The following AXDND1 variants were observed in gnomAD, a reference collection of about 807,000 sequenced individuals.
AXDND1 encodes the protein axonemal dynein light chain domain-containing protein 1.
Under a neutral mutation model 137.5 loss-of-function variants are expected in AXDND1, and 110 were observed. The ratio of observed to expected loss-of-function variants is 0.80; its 90% CI spans 0.69 to 0.94. The LOEUF is 0.94. Ranked by LOEUF, AXDND1 falls within the 40% of genes least tolerant of loss-of-function variation. The pLI is 0.00. For missense variants in AXDND1, 1,191 were observed against 1,169.8 expected (o/e 1.02, Z -0.26); for synonymous variants, 414 against 399.7 (o/e 1.04, Z -0.43).
intron 16 of AXDND1, among the ~76,000 whole-genome samples, chr1:179,459,958 CTTCTTTCT>C (rs142428616): frequency 4.7e-5 from 6 of 127,700 alleles, no homozygotes; most frequent in South Asian, 4.9e-4. Context: ...TCTTTTCTTC[CTTCTTTCT>C]TTCTTTCTTT....
chr1:179,519,742 G>C (rs1259514162), intron 21 of AXDND1, among the ~76,000 whole-genome samples: 1 of 152,056 alleles, frequency 6.6e-6, no homozygotes, highest in African/African-American at 2.4e-5. Context: ...TGTTCCATTG[G>C]TGTATGTGTC....
chr1:179,429,029 T>C (rs1656996078), intron 12 of AXDND1, among the ~76,000 whole-genome samples: 2 of 151,982 alleles, frequency 1.3e-5, no homozygotes, highest in African/African-American at 4.8e-5. Flanking sequence ...TAAAAAACAT[T>C]AGCCAGGCAT....
At chr1:179,528,298 T>C (rs1294849610) in intron 22 of AXDND1, 29 bp from the exon 23 acceptor site, 1 of 1,548,844 alleles carries the variant, frequency 6.5e-7, no homozygotes, top group Non-Finnish European at 8.9e-7. Flanking sequence ...ACCAGCTTGC[T>C]AACAGGTCCG....
intron 11 of AXDND1, among the ~76,000 whole-genome samples, chr1:179,397,768 G>T (rs1251443587): frequency 2.0e-5 from 3 of 151,966 alleles, no homozygotes; most frequent in Non-Finnish European, 4.4e-5. Context: ...TCTTCAACTT[G>T]GTTTATTCTG....
At chr1:179,458,647 A>G (rs1213757583) in intron 16 of AXDND1, among the ~76,000 whole-genome samples, 1 of 152,092 alleles carries the variant, frequency 6.6e-6, no homozygotes, top group African/African-American at 2.4e-5. Flanking sequence ...ATTAAGAGAA[A>G]AAACTGTGTG....
At chr1:179,411,068 A>G (rs1199818479) in intron 11 of AXDND1, 78 bp from the exon 12 acceptor site, 1 of 1,194,782 alleles carries the variant, frequency 8.4e-7, no homozygotes, top group East Asian at 2.9e-5. Flanking sequence ...TTTTAAAACA[A>G]ATTTCTTTTT....
intron 25 of AXDND1, chr1:179,543,914 C>G (rs1672400493): frequency 6.6e-6 from 1 of 152,636 alleles, no homozygotes; most frequent in Non-Finnish European, 1.5e-5. Flanking sequence ...CTACAATATT[C>G]TAGCTGTTTT....
chr1:179,491,823 A>G, intron 19 of AXDND1, 86 bp downstream of exon 19: 1 of 1,189,756 alleles, frequency 8.4e-7, no homozygotes, highest in Admixed American at 2.7e-5. Context: ...TAGCAATAGG[A>G]GTTATTTTAA....
At chr1:179,488,634 C>CTTTTCTTTCTTTCTTTCTTTCTTTTT (rs376189496) in intron 18 of AXDND1, among the ~76,000 whole-genome samples, 1,775 of 105,008 alleles carry the variant, frequency 0.017, 213 homozygotes, top group African/African-American at 0.032. Flanking sequence ...CTCTCTCTCT[C>CTTTTCTTTCTTTCTTTCTTTCTTTTT]CTTTCTTTCT....
intron 16 of AXDND1, among the ~76,000 whole-genome samples, chr1:179,460,386 G>A (rs1662154700): frequency 6.6e-6 from 1 of 152,016 alleles, no homozygotes; most frequent in South Asian, 2.1e-4. Flanking sequence ...CCTTTTTTAT[G>A]GCTGGGCTGC....
rs187184596 is a variant in AXDND1, at chr1:179,378,754, T to C, written c.492T>C (p.His164=). Residue 164 remains histidine (H), a synonymous_variant, in exon 5 of 26, where the codon CAT becomes CAC. Coordinates refer to ENST00000367618, the MANE Select transcript of AXDND1 (RefSeq NM_144696.6). The part of the protein sequence containing the change: ...LQSHDGVIVP[H]KPKTLTDTLI... ...CACATGATGGTGTCATTGTGCCCCA[T>C]AAGGTAAATAAAGTATTTGACAAAT... is the stretch of plus-strand genomic sequence containing the variant. The C allele has an allele frequency of 4.6e-6, 7 of 1,537,438 alleles. No homozygotes were observed. The African/African-American group carries it at 8.1e-5, about 18-fold the overall frequency.
At chr1:179,477,567 C>A (rs1411511745) in intron 17 of AXDND1, among the ~76,000 whole-genome samples, 3 of 152,074 alleles carry the variant, frequency 2.0e-5, no homozygotes, top group African/African-American at 7.2e-5. Context: ...GGGGAAACCA[C>A]CCCCATGATT....
chr1:179,371,973 A>G (rs1415211299), intron 4 of AXDND1, among the ~76,000 whole-genome samples: 2 of 152,208 alleles, frequency 1.3e-5, no homozygotes, highest in Non-Finnish European at 2.9e-5. Flanking sequence ...AAAGAAACAC[A>G]GTCCTGCCAA....
intron 20 of AXDND1, 79 bp downstream of exon 20, chr1:179,493,030 A>C: frequency 1.1e-6 from 1 of 922,450 alleles, no homozygotes; most frequent in Non-Finnish European, 1.7e-6. Context: ...ATTGATGTAC[A>C]ACAAGCTCAC....
At chr1:179,429,882 G>A (rs914422843) in intron 13 of AXDND1, among the ~76,000 whole-genome samples, 15 of 150,218 alleles carry the variant, frequency 1.0e-4, no homozygotes, top group African/African-American at 3.7e-4. Flanking sequence ...CATGGTTAAA[G>A]TAAAAAAAGT....
intron 18 of AXDND1, among the ~76,000 whole-genome samples, chr1:179,486,119 CAAA>C (rs1173009992): frequency 1.3e-4 from 3 of 22,646 alleles, no homozygotes; most frequent in Non-Finnish European, 2.9e-4. Context: ...AACTCTGTCT[CAAA>C]AAAAAAAAAA....
At chr1:179,498,366 G>A (rs1237795895) in intron 20 of AXDND1, among the ~76,000 whole-genome samples, 9 of 152,016 alleles carry the variant, frequency 5.9e-5, no homozygotes. Flanking sequence ...CCAACCATCT[G>A]ATCTTCAACA....
chr1:179,498,159 T>A (rs1190727929), intron 20 of AXDND1, among the ~76,000 whole-genome samples: 9 of 152,064 alleles, frequency 5.9e-5, no homozygotes, highest in Admixed American at 5.9e-4. Context: ...AAAAAAATAT[T>A]AAAAGTTCAT....
At chr1:179,370,994 T>C (rs1667983194) in intron 4 of AXDND1, among the ~76,000 whole-genome samples, 1 of 152,252 alleles carries the variant, frequency 6.6e-6, no homozygotes, top group Non-Finnish European at 1.5e-5. Flanking sequence ...TTGATTTTTA[T>C]GTACTGAGGC....
Sources: allele counts gnomAD v4.1 joint callset (sites outside exome capture counted in the v4.1 genomes callset), GRCh38; gene constraint gnomAD v4.1.1; transcripts MANE v1.5; gene names NCBI Gene and HGNC (gene_info 2026-07-23, HGNC 2026-07-21).